DST: variants seen among roughly 807,000 people sequenced by gnomAD.
DST encodes the protein dystonin, also known as bullous pemphigoid antigen.
Under a neutral mutation model 875.2 loss-of-function variants are expected in DST, and 253 were observed. The observed-to-expected ratio is 0.29, with a 90% confidence interval of 0.26 to 0.32. The LOEUF (loss-of-function observed/expected upper bound fraction) is 0.32, where lower values mean the gene tolerates loss of function less well. Among genes scored for constraint, DST ranks in the 10% least tolerant of loss-of-function variants. DST has a pLI of 1.00. For synonymous variants in DST, 3,124 were observed against 3,197.1 expected (o/e 0.98, Z 0.77); for missense variants, 8,287 against 9,111.6 (o/e 0.91, Z 3.68).
At position 56,908,598 on chromosome 6, in the gene DST, C is replaced by A. The variant is rs145323533; in HGVS notation, c.217-7977G>T. On this transcript the variant is annotated intron_variant, in intron 2 of 103. Coordinates refer to ENST00000680361, the MANE Select transcript of DST (RefSeq NM_001374736.1). The stretch of plus-strand genomic sequence containing the variant: ...ACTGTCAGAGGCGTTTGAACCAGAG[C>A]AACTCCACCTTAAACAGGAGCTAGG... Among the ~76,000 whole-genome samples, 389 of 152,288 alleles carry A rather than the reference C, an allele frequency of 2.6e-3. 3 individuals carry two copies. The East Asian group carries it at 0.039, about 15-fold the overall frequency.
rs2098817634 is a variant in DST, at chr6:56,635,698, T to C, written c.3077A>G (p.Lys1026Arg). Residue 1026 changes from lysine to arginine, a missense_variant, in exon 24 of 104, where the codon AAA becomes AGA. Lys to Arg is a conservative substitution (Grantham distance 26). This residue lies in a region of DST where 1,160 missense variants were observed against 1,424.3 expected (regional missense o/e 0.81). Coordinates refer to ENST00000680361, the MANE Select transcript of DST (RefSeq NM_001374736.1). ...TAYFEFFNDA[K>R]EATDYLRNLK... ...ATTCCTTAAGTAATCAGTAGCTTCT[T>C]TGGCATCATTGAAAAACTAAGGAAA... 4.3e-6 allele frequency: 7 copies of C among 1,613,852 alleles called. No homozygotes were observed. The highest frequency in any genetic ancestry group is 4.5e-5 in the East Asian group (2 of 44,850).
In DST at chr6:56,535,355, A is replaced by T. The variant is rs377318911; in HGVS notation, c.16771-63T>A. ...TCACAAAATAATGCAATCTGAGCAC[A>T]AATCACTATTTTACATGCTTATTTT... On this transcript the variant is annotated intron_variant, in intron 62 of 103. Transcript: ENST00000680361. 5 of 1,482,960 alleles carry T rather than the reference A, an allele frequency of 3.4e-6. No homozygotes were observed. The East Asian group carries it at 7.7e-5, about 23-fold the overall frequency. 91.9% of individuals were successfully genotyped at this position (1,482,960 alleles called of 1,614,324 possible).
chr6:56,621,881 T>A (rs2098693268), intron 36 of DST, among the ~76,000 whole-genome samples: 1 of 152,196 alleles, frequency 6.6e-6, no homozygotes, highest in South Asian at 2.1e-4. Flanking sequence ...AGACCATACA[T>A]CTTATTTTGC....
intron 4 of DST, among the ~76,000 whole-genome samples, chr6:56,828,586 C>T (rs1026822996): frequency 3.3e-5 from 5 of 152,214 alleles, no homozygotes; most frequent in Admixed American, 6.5e-5. Flanking sequence ...AGCTTCTATA[C>T]ACCAGTAAGA....
intron 4 of DST, among the ~76,000 whole-genome samples, chr6:56,738,423 C>A (rs543423763): frequency 6.6e-6 from 1 of 152,112 alleles, no homozygotes; most frequent in Non-Finnish European, 1.5e-5. Flanking sequence ...CAGGTGCAAG[C>A]GATTCTCCTG....
intron 9 of DST, among the ~76,000 whole-genome samples, chr6:56,674,772 GGATA>G (rs2099120093): frequency 6.6e-6 from 1 of 152,166 alleles, no homozygotes; most frequent in African/African-American, 2.4e-5. Flanking sequence ...ATGAATAAAT[GGATA>G]GATATCCCAT....
intron 64 of DST, among the ~76,000 whole-genome samples, chr6:56,530,593 C>T (rs570964361): frequency 5.3e-5 from 8 of 152,314 alleles, no homozygotes; most frequent in African/African-American, 1.9e-4. Flanking sequence ...GAAGAGCATA[C>T]ATAGCTTCTT....
chr6:56,619,652 T>C (rs1167445223), intron 36 of DST: 2 of 1,613,754 alleles, frequency 1.2e-6, no homozygotes, highest in African/African-American at 2.7e-5. Flanking sequence ...TTTCTTGAGA[T>C]CACTAGCTTC....
intron 5 of DST, among the ~76,000 whole-genome samples, chr6:56,721,054 GGGCAGGGGCGCCCCCCCCA>G (rs2099413590): frequency 6.7e-6 from 1 of 150,298 alleles, no homozygotes; most frequent in Non-Finnish European, 1.5e-5. Flanking sequence ...GGCAGCTGCC[GGGCAGGGGCGCCCCCCCCA>G]CCTCCCAGAC....
intron 4 of DST, among the ~76,000 whole-genome samples, chr6:56,788,031 A>T (rs1292112227): frequency 2.1e-5 from 3 of 142,232 alleles, no homozygotes; most frequent in African/African-American, 7.7e-5. Flanking sequence ...CGTGAGGCTG[A>T]GGCAGGAAAA....
intron 2 of DST, among the ~76,000 whole-genome samples, chr6:56,900,994 G>A (rs1793806853): frequency 6.6e-6 from 1 of 152,034 alleles, no homozygotes; most frequent in African/African-American, 2.4e-5. Context: ...TAGGGAGCGG[G>A]ACAGGATATC....
At chr6:56,834,085 C>T (rs149172823) in intron 4 of DST, among the ~76,000 whole-genome samples, 85 of 152,068 alleles carry the variant, frequency 5.6e-4, no homozygotes, top group Non-Finnish European at 9.7e-4. Context: ...AATATTAGCC[C>T]AACATGGTGG....
intron 2 of DST, among the ~76,000 whole-genome samples, chr6:56,938,660 A>G (rs936464841): frequency 1.3e-5 from 2 of 152,176 alleles, no homozygotes; most frequent in Non-Finnish European, 2.9e-5. Flanking sequence ...ACTCTTCTCT[A>G]CCCACTGTGA....
chr6:56,749,207 G>A (rs1357888817), intron 4 of DST, among the ~76,000 whole-genome samples: 1 of 151,938 alleles, frequency 6.6e-6, no homozygotes, highest in Non-Finnish European at 1.5e-5. Flanking sequence ...ACAAAAAATT[G>A]GCCAGGCGTG....
At chr6:56,624,778 TTAC>T (rs1454804895) in intron 35 of DST, 150 bp from the exon 36 acceptor site, 9 of 671,376 alleles carry the variant, frequency 1.3e-5, no homozygotes, top group Non-Finnish European at 2.4e-5. Context: ...GAGCTTATTA[TTAC>T]TATTATGCAA....
chr6:56,739,259 A>G (rs1401581777), intron 4 of DST, among the ~76,000 whole-genome samples: 2 of 151,920 alleles, frequency 1.3e-5, no homozygotes, highest in Admixed American at 6.6e-5. Context: ...AGTATATACA[A>G]CTATATCTCT....
rs146647342 is a variant in DST at position 56,625,829 on chromosome 6, A to G, written c.4723-565T>C. On this transcript the variant is annotated intron_variant, in intron 34 of 103. Coordinates refer to ENST00000680361, the MANE Select transcript of DST (RefSeq NM_001374736.1). ...AGGCATTGTTATCATAGGAGAAGAC[A>G]GCTCCATACATGTGATTGCCCCTGA... Among the ~76,000 whole-genome samples the G allele has an allele frequency of 2.8e-4, 42 of 152,212 alleles. No individual in the cohort carries two copies. The East Asian group carries it at 6.9e-3, about 25-fold the overall frequency.
chr6:56,467,384 A>G (rs1485059775), intron 98 of DST: 2 of 152,186 alleles, frequency 1.3e-5, no homozygotes, highest in Non-Finnish European at 2.9e-5. Context: ...CCTAGAAAGC[A>G]TGTAAAATGC....
chr6:56,741,976 C>G (rs1269069680), intron 4 of DST, among the ~76,000 whole-genome samples: 1 of 152,066 alleles, frequency 6.6e-6, no homozygotes, highest in Non-Finnish European at 1.5e-5. Context: ...AAAAAGAGTA[C>G]TGATTATTAC....
Sources: allele counts gnomAD v4.1 joint callset (sites outside exome capture counted in the v4.1 genomes callset), GRCh38; gene constraint gnomAD v4.1.1; regional missense constraint gnomAD v4.1.1; transcripts MANE v1.5; gene names NCBI Gene and HGNC (gene_info 2026-07-23, HGNC 2026-07-21).